FSTL5: variants seen among roughly 807,000 people sequenced by gnomAD.
The protein encoded by FSTL5 is follistatin-related protein 5.
In FSTL5, 62 loss-of-function variants were observed where a neutral mutation model predicts 89.1. The observed-to-expected ratio is 0.70, with a 90% CI of 0.57 to 0.86. The LOEUF is 0.86. Ranked by LOEUF, FSTL5 falls within the 40% of genes least tolerant of loss-of-function variation. FSTL5 has a pLI of 0.00. For missense variants in FSTL5, 1,057 were observed against 1,001.6 expected (o/e 1.06, Z -0.75); for synonymous variants, 383 against 346.2 (o/e 1.11, Z -1.18).
At chr4:162,076,145 T>C (rs997485982) in intron 2 of FSTL5, among the ~76,000 whole-genome samples, 1 of 151,846 alleles carries the variant, frequency 6.6e-6, no homozygotes, top group Non-Finnish European at 1.5e-5. Context: ...GCTTACAAAA[T>C]CTTTGAGGTG....
chr4:162,114,053 A>G (rs186202371), intron 1 of FSTL5, among the ~76,000 whole-genome samples: 186 of 152,300 alleles, frequency 1.2e-3, no homozygotes, highest in Non-Finnish European at 1.5e-4. Context: ...TTCTGCATTC[A>G]AGGATAAAAT....
intron 6 of FSTL5, among the ~76,000 whole-genome samples, chr4:161,678,293 AAATT>A (rs1230108463): frequency 6.6e-6 from 1 of 151,826 alleles, no homozygotes; most frequent in African/African-American, 2.4e-5. Flanking sequence ...GAAAACAATT[AAATT>A]AATTAAAGGT....
chr4:161,532,897 A>G (rs767133452), intron 10 of FSTL5, among the ~76,000 whole-genome samples: 41 of 152,188 alleles, frequency 2.7e-4, no homozygotes, highest in Non-Finnish European at 5.3e-4. Flanking sequence ...CACATTGCAA[A>G]GAAAATAGAA....
chr4:162,013,438 G>A (rs75475144), intron 3 of FSTL5, among the ~76,000 whole-genome samples: 16,252 of 152,136 alleles, frequency 0.11, 906 homozygotes, highest in Non-Finnish European at 0.13. Context: ...TTTGAGGAAT[G>A]TTACGTAGCA....
chr4:161,414,878 C>G (rs536864253), intron 15 of FSTL5, among the ~76,000 whole-genome samples: 58 of 152,240 alleles, frequency 3.8e-4, no homozygotes, highest in South Asian at 8.3e-4. Context: ...GTCCTGGTCT[C>G]CTATGTCTTA....
intron 2 of FSTL5, among the ~76,000 whole-genome samples, chr4:162,100,521 A>G (rs1730953777): frequency 6.6e-6 from 1 of 152,192 alleles, no homozygotes; most frequent in African/African-American, 2.4e-5. Flanking sequence ...GTGAAAACGA[A>G]AGATGAAGAG....
At chr4:161,413,973 G>C (rs929563145) in intron 15 of FSTL5, among the ~76,000 whole-genome samples, 1 of 152,158 alleles carries the variant, frequency 6.6e-6, no homozygotes, top group Non-Finnish European at 1.5e-5. Flanking sequence ...TACCATGCTA[G>C]CTACAGGTGA....
intron 4 of FSTL5, among the ~76,000 whole-genome samples, chr4:161,792,822 T>A (rs533055196): frequency 5.9e-5 from 9 of 152,244 alleles, no homozygotes; most frequent in African/African-American, 2.2e-4. Flanking sequence ...TCTTCCTGGA[T>A]GTGGGACAAT....
At chr4:161,413,776 C>A (rs1460849582) in intron 15 of FSTL5, among the ~76,000 whole-genome samples, 1 of 152,156 alleles carries the variant, frequency 6.6e-6, no homozygotes, top group East Asian at 1.9e-4. Context: ...TTTGCAGCAA[C>A]ATAGATGTAG....
intron 4 of FSTL5, among the ~76,000 whole-genome samples, chr4:161,805,015 C>A (rs925252125): frequency 3.3e-5 from 5 of 151,982 alleles, no homozygotes; most frequent in Non-Finnish European, 5.9e-5. Flanking sequence ...GTGAATACAG[C>A]ATGGAAAAAT....
intron 4 of FSTL5, among the ~76,000 whole-genome samples, chr4:161,860,218 G>A (rs1345831998): frequency 1.3e-5 from 2 of 152,092 alleles, no homozygotes; most frequent in Non-Finnish European, 2.9e-5. Context: ...AACCCGGGAG[G>A]CGGAGCTTGC....
At chr4:162,118,197 C>T (rs1731718641) in intron 1 of FSTL5, among the ~76,000 whole-genome samples, 2 of 152,102 alleles carry the variant, frequency 1.3e-5, no homozygotes, top group South Asian at 4.1e-4. Flanking sequence ...AACTACACAC[C>T]TACTACTGTG....
chr4:161,408,517 G>A (rs1315186049), intron 15 of FSTL5, among the ~76,000 whole-genome samples: 1 of 152,170 alleles, frequency 6.6e-6, no homozygotes, highest in Non-Finnish European at 1.5e-5. Context: ...CAAAGTCATA[G>A]TATCCCCTTA....
At chr4:161,905,764 T>C (rs757920003) in intron 4 of FSTL5, among the ~76,000 whole-genome samples, 2 of 152,158 alleles carry the variant, frequency 1.3e-5, no homozygotes, top group Non-Finnish European at 2.9e-5. Context: ...GAGAACGATT[T>C]CTTTTGACCA....
intron 5 of FSTL5, among the ~76,000 whole-genome samples, chr4:161,764,128 T>C (rs1740905293): frequency 6.6e-6 from 1 of 152,192 alleles, no homozygotes; most frequent in African/African-American, 2.4e-5. Flanking sequence ...AATTATTAAG[T>C]GAGATAATTA....
At chr4:161,555,836 G>T in intron 8 of FSTL5, among the ~76,000 whole-genome samples, 1 of 151,692 alleles carries the variant, frequency 6.6e-6, no homozygotes, top group Middle Eastern at 3.4e-3. Flanking sequence ...TGGCTACACA[G>T]AGAATGTCTA....
intron 12 of FSTL5, among the ~76,000 whole-genome samples, chr4:161,486,926 TGAAAA>T (rs1015932638): frequency 2.0e-5 from 3 of 152,226 alleles, no homozygotes; most frequent in Non-Finnish European, 4.4e-5. Flanking sequence ...TAATATTTCA[TGAAAA>T]GAAAAGATTT....
At chr4:161,996,593 T>C (rs1303763746) in intron 3 of FSTL5, among the ~76,000 whole-genome samples, 1 of 152,248 alleles carries the variant, frequency 6.6e-6, no homozygotes, top group Non-Finnish European at 1.5e-5. Flanking sequence ...AATATAAAAC[T>C]GATCAAATTT....
Position 162,048,626 on chromosome 4 carries a change from C to T in FSTL5, c.127-14968G>A, listed in dbSNP as rs183421027. On this transcript the variant is annotated intron_variant, in intron 2 of 15. Coordinates refer to ENST00000306100, the MANE Select transcript of FSTL5 (RefSeq NM_020116.5). ...ACACACACACACACACACACACACA[C>T]GAATGAGACAAATGTGATTGAATTT... Among the ~76,000 whole-genome samples the T allele has an allele frequency of 2.7e-3, 378 of 142,170 alleles. 2 individuals are homozygous for T. Among genetic ancestry groups the T allele is most frequent in the African/African-American group, 9.0e-3 (341 of 38,066 alleles). The allele number at this position is 142,170 out of a possible 152,430, so 93.3% of individuals were successfully genotyped here. A position where few individuals can be genotyped will look rare whatever the true frequency, so the allele number is the denominator to read the frequency against.
Sources: gnomAD v4.1 joint callset for allele counts (sites outside exome capture counted in the v4.1 genomes callset) on GRCh38, gnomAD v4.1.1 for gene constraint, MANE v1.5 for transcripts, NCBI Gene and HGNC (gene_info 2026-07-23, HGNC 2026-07-21) for gene names.